The following ZNF253 variants were observed in gnomAD, a reference collection of about 807,000 sequenced individuals.
ZNF253 encodes the protein zinc finger protein 253.
ZNF253 carries 8 observed loss-of-function variants against 11.9 expected under a neutral mutation model. The ratio of observed to expected loss-of-function variants is 0.67; its 90% CI spans 0.40 to 1.22. The LOEUF (loss-of-function observed/expected upper bound fraction) is 1.22. ZNF253 is among the 50% of genes most tolerant of loss of function. ZNF253 has a pLI of 0.01. For missense variants in ZNF253, 485 were observed against 586.9 expected (o/e 0.83, Z 1.79); for synonymous variants, 194 against 194.9 (o/e 1.00, Z 0.04).
intron 3 of ZNF253, among the ~76,000 whole-genome samples, chr19:19,889,797 G>C (rs1341115089): frequency 6.6e-6 from 1 of 151,788 alleles, no homozygotes; most frequent in African/African-American, 2.4e-5. Context: ...ATGCCACCAC[G>C]CCCAGCTAAT....
At chr19:19,875,505 C>T (rs754017275) in intron 1 of ZNF253, among the ~76,000 whole-genome samples, 42 of 152,098 alleles carry the variant, frequency 2.8e-4, no homozygotes, top group Non-Finnish European at 5.7e-4. Context: ...ACGCCATTCT[C>T]CTGCCTCAGC....
intron 3 of ZNF253, among the ~76,000 whole-genome samples, chr19:19,881,731 T>C (rs1452657549): frequency 6.6e-6 from 1 of 152,180 alleles, no homozygotes; most frequent in Non-Finnish European, 1.5e-5. Flanking sequence ...ACTGACTGTA[T>C]TTATTAGTTT....
At chr19:19,875,628 C>T (rs1411155893) in intron 1 of ZNF253, among the ~76,000 whole-genome samples, 1 of 152,174 alleles carries the variant, frequency 6.6e-6, no homozygotes, top group Non-Finnish European at 1.5e-5. Context: ...ATCTCCTGAC[C>T]TCGTGATCCG....
At chr19:19,872,458 A>G (rs1403745924) in intron 1 of ZNF253, among the ~76,000 whole-genome samples, 1 of 149,470 alleles carries the variant, frequency 6.7e-6, no homozygotes, top group African/African-American at 2.5e-5. Flanking sequence ...CTCCCTTTGA[A>G]CTATGTATTC....
chr19:19,872,102 G>A (rs535014032), intron 1 of ZNF253, among the ~76,000 whole-genome samples: 1 of 152,234 alleles, frequency 6.6e-6, no homozygotes, highest in African/African-American at 2.4e-5. Flanking sequence ...TCACTGGGCA[G>A]TGATCAATCG....
Position 19,892,985 on chromosome 19 carries a change from C to CTTTT in ZNF253, c.*244_*247dup, listed in dbSNP as rs60363472. ...TAAACCTATAACAAGTTCTCAATTC[C>CTTTT]TTTTTTTTTGAGATGGAGTTTCACT... On this transcript the variant is annotated 3_prime_UTR_variant, in exon 4 of 4. Transcript: ENST00000589717. 3,945 of 422,502 alleles carry CTTTT rather than the reference C, an allele frequency of 9.3e-3. 18 individuals are homozygous for CTTTT. Among genetic ancestry groups the CTTTT allele is most frequent in the African/African-American group, 0.031 (1,477 of 47,432 alleles). The allele number at this position is 422,502 out of a possible 1,614,324, so 26.2% of individuals were successfully genotyped here. A position where few individuals can be genotyped will look rare whatever the true frequency, so the allele number is the denominator to read the frequency against.
chr19:19,884,733 T>A (rs192916849), intron 3 of ZNF253, among the ~76,000 whole-genome samples: 2 of 152,324 alleles, frequency 1.3e-5, no homozygotes, highest in African/African-American at 4.8e-5. Flanking sequence ...TTTAAAATAA[T>A]GGCTGCATCA....
chr19:19,878,381 A>T, intron 1 of ZNF253, 100 bp from the exon 2 acceptor site: 1 of 1,590,596 alleles, frequency 6.3e-7, no homozygotes, highest in Non-Finnish European at 8.6e-7. Context: ...CAGTCCTTTG[A>T]GTCAGAACCA....
intron 3 of ZNF253, among the ~76,000 whole-genome samples, chr19:19,880,588 C>A: frequency 6.6e-6 from 1 of 151,744 alleles, no homozygotes; most frequent in Admixed American, 6.6e-5. Flanking sequence ...ACCTGTAATC[C>A]CAGCTACTTG....
intron 1 of ZNF253, among the ~76,000 whole-genome samples, chr19:19,875,648 G>A (rs2145264313): frequency 6.6e-6 from 1 of 152,242 alleles, no homozygotes; most frequent in African/African-American, 2.4e-5. Flanking sequence ...GCCCGCCTCG[G>A]CCTCCCAAAG....
rs780033325 is a variant in ZNF253, at chr19:19,892,735, T to A, written c.1488T>A (p.Ile496=). The A allele has an allele frequency of 3.2e-6, 5 of 1,584,808 alleles. No individual in the cohort carries two copies. Among genetic ancestry groups the A allele is most frequent in the East Asian group, 4.5e-5 (2 of 44,702 alleles). ...TTTTAAATGTTCCTCCACTTTTAAT[T>A]AGCATAAGATAATTCATACTGGAGA... The part of the protein sequence containing the change: ...TDLLNVPPLL[I]SIR The change falls in exon 4 of 4, where the codon ATT becomes ATA. Residue 496 remains isoleucine, a synonymous_variant. Transcript: ENST00000589717.
intron 1 of ZNF253, among the ~76,000 whole-genome samples, chr19:19,877,519 G>A (rs1021366549): frequency 7.2e-5 from 11 of 152,068 alleles, no homozygotes; most frequent in Non-Finnish European, 1.5e-4. Context: ...GGGATTACAG[G>A]CATGTGCCAC....
At chr19:19,890,755 T>C (rs1471925737) in intron 3 of ZNF253, among the ~76,000 whole-genome samples, 2 of 152,030 alleles carry the variant, frequency 1.3e-5, no homozygotes, top group African/African-American at 4.8e-5. Flanking sequence ...TCTCCTCACC[T>C]TAGGTGATCC....
chr19:19,871,657 G>C (rs911546288), intron 1 of ZNF253, among the ~76,000 whole-genome samples: 6 of 152,108 alleles, frequency 3.9e-5, no homozygotes, highest in Non-Finnish European at 7.4e-5. Context: ...GGTGAATTTA[G>C]GATGAACTAT....
At chr19:19,868,090 A>T (rs1413775503) in intron 1 of ZNF253, among the ~76,000 whole-genome samples, 1 of 150,840 alleles carries the variant, frequency 6.6e-6, no homozygotes, top group East Asian at 1.9e-4. Flanking sequence ...TAAATTCTGG[A>T]TATTAGACTT....
chr19:19,880,181 A>C, intron 3 of ZNF253, 35 bp downstream of exon 3: 1 of 1,504,274 alleles, frequency 6.6e-7, no homozygotes. Flanking sequence ...AACAGATGAC[A>C]CAGATAAAAG....
intron 1 of ZNF253, among the ~76,000 whole-genome samples, chr19:19,869,287 T>C (rs1568493452): frequency 6.6e-6 from 1 of 152,218 alleles, no homozygotes; most frequent in Non-Finnish European, 1.5e-5. Flanking sequence ...TCTGTAGTTG[T>C]ATCTTGCTTT....
At position 19,886,860 on chromosome 19, in the gene ZNF253, AT is replaced by A. The variant is rs570985862; in HGVS notation, c.227-4608del. On this transcript the variant is annotated intron_variant, in intron 3 of 3. Transcript: ENST00000589717. ...ATAATGTTAGCTAAGTTTTTTTCTT[AT>A]TTTTTATCTGAATTTTATATTTATT... Among the ~76,000 whole-genome samples, 664 of 152,148 alleles carry A rather than the reference AT, an allele frequency of 4.4e-3. 4 individuals carry two copies. The highest frequency in any genetic ancestry group is 7.7e-3 in the Non-Finnish European group (524 of 67,980).
At position 19,877,632 on chromosome 19, in the gene ZNF253, C is replaced by T. The variant is rs78905151; in HGVS notation, c.4-849C>T. On this transcript the variant is annotated intron_variant, in intron 1 of 3. Coordinates refer to ENST00000589717, the MANE Select transcript of ZNF253 (RefSeq NM_021047.3). ...TCAGGTGACCCACCCATCTCGGCCTCCCAAAGTGCTGAAATTACAGGCGTG... is the reference window on the plus strand; with the variant it reads ...TCAGGTGACCCACCCATCTCGGCCTTCCAAAGTGCTGAAATTACAGGCGTG... Among the ~76,000 whole-genome samples, 389 of 152,248 alleles carry T rather than the reference C, an allele frequency of 2.6e-3. 10 individuals are homozygous for T. The East Asian group carries it at 0.038, about 15-fold the overall frequency.
Sources: allele counts gnomAD v4.1 joint callset (sites outside exome capture counted in the v4.1 genomes callset), GRCh38; gene constraint gnomAD v4.1.1; transcripts MANE v1.5; gene names NCBI Gene and HGNC (gene_info 2026-07-23, HGNC 2026-07-21).